GPX4: variants seen among roughly 807,000 people sequenced by gnomAD.
GPX4 encodes phospholipid hydroperoxide glutathione peroxidase GPX4.
In GPX4, 28 loss-of-function variants were observed where a neutral mutation model predicts 27.8. That is an observed-to-expected ratio of 1.01 (90% CI 0.75 to 1.38). The LOEUF (loss-of-function observed/expected upper bound fraction) is 1.38, where lower values mean the gene tolerates loss of function less well. Among genes scored for constraint, GPX4 ranks in the 40% most tolerant of loss-of-function variants. The pLI is 0.00. For missense variants in GPX4, 357 were observed against 274.1 expected (o/e 1.30, Z -2.14); for synonymous variants, 163 against 107.8 (o/e 1.51, Z -3.17).
rs556598510 is a variant in GPX4 at position 1,105,412 on chromosome 19, A to G, written c.226A>G (p.Thr76Ala). Residue 76 changes from threonine to alanine, a missense_variant, in exon 3 of 7, where the codon ACC becomes GCC. By Grantham distance (58) the Thr-to-Ala change is moderately conservative (BLOSUM62 0). Coordinates refer to ENST00000354171, the MANE Select transcript of GPX4 (RefSeq NM_002085.5). ...CAACGTGGCCTCCCAGTGAGGCAAG[A>G]CCGAAGTAAACTACACTCAGCTCGT... ...VTNVASQUGK[T>A]EVNYTQLVDL... 2 of 1,611,878 alleles carry G rather than the reference A, an allele frequency of 1.2e-6. No homozygotes were observed. The highest frequency in any genetic ancestry group is 2.2e-5 in the South Asian group (2 of 91,034).
At position 1,104,911 on chromosome 19, in the gene GPX4, T is replaced by C; in HGVS notation, c.85-275T>C. The C allele has an allele frequency of 2.1e-6, 3 of 1,416,920 alleles. No homozygotes were observed. In the South Asian group the frequency reaches 4.5e-5, roughly 21 times the overall value. 87.8% of individuals were successfully genotyped at this position (1,416,920 alleles called of 1,614,324 possible). On this transcript the variant is annotated intron_variant, in intron 1 of 6. Transcript: ENST00000354171. ...GCTTGCGACCGGAGATCCACGAATGTCCCAAGTCCCAGGACCCGGTGCGCG... is the reference window on the plus strand; with the variant it reads ...GCTTGCGACCGGAGATCCACGAATGCCCCAAGTCCCAGGACCCGGTGCGCG...
chr19:1,106,195 T>A, intron 4 of GPX4, 47 bp from the exon 5 acceptor site: 2 of 1,526,652 alleles, frequency 1.3e-6, no homozygotes, highest in Non-Finnish European at 8.8e-7. Flanking sequence ...GCTTGGGGAC[T>A]GTGGGGGGCT....
chr19:1,106,115 C>G (rs546182511), intron 4 of GPX4, 127 bp from the exon 5 acceptor site: 16 of 844,166 alleles, frequency 1.9e-5, no homozygotes, highest in Admixed American at 8.9e-5. Flanking sequence ...TCTGGGGGGG[C>G]TTGGGGGCAC....
rs1342240757 is a variant in GPX4, at chr19:1,104,011, G to A, written c.-33G>A. On this transcript the variant is annotated 5_prime_UTR_variant, in exon 1 of 7. Coordinates refer to ENST00000354171, the MANE Select transcript of GPX4 (RefSeq NM_002085.5). Reference sequence around the variant, plus strand: ...GCGCGTCCATTGGTCGGCTGGACGAGGGGAGGAGCCGCTGGCTCCCAGCCC... The same window carrying A: ...GCGCGTCCATTGGTCGGCTGGACGAAGGGAGGAGCCGCTGGCTCCCAGCCC... The A allele has an allele frequency of 6.6e-7, 1 of 1,510,984 alleles. No homozygotes were observed. Among genetic ancestry groups the A allele is most frequent in the Non-Finnish European group, 8.8e-7 (1 of 1,135,272 alleles). 93.6% of individuals were successfully genotyped at this position (1,510,984 alleles called of 1,614,324 possible). A position where few individuals can be genotyped will look rare whatever the true frequency, so the allele number is the denominator to read the frequency against.
intron 1 of GPX4, 116 bp downstream of exon 1, chr19:1,104,243 G>A: frequency 1.1e-6 from 1 of 893,470 alleles, no homozygotes; most frequent in Non-Finnish European, 1.5e-6. Flanking sequence ...GGTGGGGGGC[G>A]TCTGGGGGCT....
Position 1,105,956 on chromosome 19 carries a change from G to A in GPX4, c.476+147G>A, listed in dbSNP as rs2079647570. ...GACTCTCACATCGCGTGGCCTCCTG[G>A]GGGTAAGATGGCTCAGGGGGACATA... On this transcript the variant is annotated intron_variant, in intron 4 of 6. Coordinates refer to ENST00000354171, the MANE Select transcript of GPX4 (RefSeq NM_002085.5). 3.1e-6 allele frequency: 3 copies of A among 974,924 alleles called. No individual in the cohort carries two copies. The Admixed American group carries it at 7.0e-5, about 23-fold the overall frequency. 60.4% of individuals were successfully genotyped at this position (974,924 alleles called of 1,614,324 possible). A position where few individuals can be genotyped will look rare whatever the true frequency, so the allele number is the denominator to read the frequency against.
At chr19:1,106,288 G>T in intron 5 of GPX4, 22 bp downstream of exon 5, 1 of 1,605,750 alleles carries the variant, frequency 6.2e-7, no homozygotes. Context: ...GTGGGGGGTA[G>T]GGGACCAGCT....
chr19:1,105,528 C>T lies in GPX4; in HGVS notation c.324+18C>T, dbSNP rs767962482. ...GGAAGCAGGTGGGCTGCTGCGTCCC[C>T]GGGGCCCGCAGAGGCGGGTGGGTGG... is the stretch of plus-strand genomic sequence containing the variant. On this transcript the variant is annotated intron_variant, in intron 3 of 6. Transcript: ENST00000354171. The T allele has an allele frequency of 3.2e-5, 30 of 926,926 alleles. No individual in the cohort carries two copies. Among genetic ancestry groups the T allele is most frequent in the Non-Finnish European group, 4.5e-5 (28 of 619,332 alleles). The allele number at this position is 926,926 out of a possible 1,614,324, so 57.4% of individuals were successfully genotyped here.
intron 1 of GPX4, 25 bp downstream of exon 1, chr19:1,104,152 C>T: frequency 7.0e-7 from 1 of 1,437,980 alleles, no homozygotes; most frequent in South Asian, 1.4e-5. Flanking sequence ...CGGCCGTTGC[C>T]GGCCCGGTGA....
chr19:1,104,989 C>A, intron 1 of GPX4, 197 bp from the exon 2 acceptor site: 1 of 1,469,482 alleles, frequency 6.8e-7, no homozygotes, highest in Non-Finnish European at 9.0e-7. Flanking sequence ...AACCCTCTCC[C>A]GGCCTCCGGG....
At chr19:1,106,297 C>G (rs760885288) in intron 5 of GPX4, 31 bp downstream of exon 5, 1 of 1,603,532 alleles carries the variant, frequency 6.2e-7, no homozygotes, top group East Asian at 2.2e-5. Flanking sequence ...AGGGGACCAG[C>G]TTCCCCTGGC....
At position 1,105,178 on chromosome 19, in the gene GPX4, C is replaced by T. The variant is rs766374099; in HGVS notation, c.85-8C>T. ...CACGCTCCCTGCTCAGCTTCCTTTG[C>T]CTTGCAGTGCGCGTCCCGGGACGAC... On this transcript the variant is annotated splice_polypyrimidine_tract_variant and splice_region_variant and intron_variant, in intron 1 of 6. Transcript: ENST00000354171. 6.2e-7 allele frequency: 1 copy of T among 1,612,820 alleles called. No homozygotes were observed. The highest frequency in any genetic ancestry group is 8.5e-7 in the Non-Finnish European group (1 of 1,179,766).
intron 3 of GPX4, 27 bp downstream of exon 3, chr19:1,105,537 C>T (rs2079639057): frequency 6.2e-7 from 1 of 1,605,072 alleles, no homozygotes; most frequent in Non-Finnish European, 8.5e-7. Flanking sequence ...CCGGGGCCCG[C>T]AGAGGCGGGT....
In GPX4 at chr19:1,105,258, A is replaced by G. The variant is rs762792092; in HGVS notation, c.157A>G (p.Met53Val). 3.2e-5 allele frequency: 52 copies of G among 1,612,858 alleles called. 1 individual carries two copies. The Admixed American group carries it at 6.3e-4, about 20-fold the overall frequency. The change falls in exon 2 of 7, where the codon ATG becomes GTG. Residue 53 changes from methionine to valine, a missense_variant. Coordinates refer to ENST00000354171, the MANE Select transcript of GPX4 (RefSeq NM_002085.5). Reference sequence around the variant, plus strand: ...TTCCGCCAAGGACATCGACGGGCACATGGTTAACCTGGACAAGTACCGGTG... The same window carrying G: ...TTCCGCCAAGGACATCGACGGGCACGTGGTTAACCTGGACAAGTACCGGTG... ...EFSAKDIDGH[M>V]VNLDKYRGFV... is the part of the protein sequence containing the mutation.
chr19:1,106,498 C>G (rs756296662), intron 6 of GPX4, 39 bp downstream of exon 6: 3 of 1,611,280 alleles, frequency 1.9e-6, no homozygotes, highest in Non-Finnish European at 2.5e-6. Context: ...GGCTCGGGGG[C>G]TTGGGAGGTA....
Position 1,105,287 on chromosome 19 carries a change from G to A in GPX4, c.179+7G>A, listed in dbSNP as rs779516356. 4.0e-5 allele frequency: 64 copies of A among 1,612,784 alleles called. No homozygotes were observed. The South Asian group carries it at 6.9e-4, about 17-fold the overall frequency. Reference sequence around the variant, plus strand: ...TTAACCTGGACAAGTACCGGTGGGCGCTCGCCTGGGGTGGGGCGCGGGGTC... The same window carrying A: ...TTAACCTGGACAAGTACCGGTGGGCACTCGCCTGGGGTGGGGCGCGGGGTC... On this transcript the variant is annotated splice_region_variant and intron_variant, in intron 2 of 6. Coordinates refer to ENST00000354171, the MANE Select transcript of GPX4 (RefSeq NM_002085.5).
intron 1 of GPX4, 184 bp downstream of exon 1, chr19:1,104,311 G>A: frequency 5.3e-6 from 3 of 564,282 alleles, no homozygotes; most frequent in Non-Finnish European, 5.7e-6. Context: ...GACGCGCTCC[G>A]CGGCCCTCCA....
chr19:1,105,269 G>C lies in GPX4; in HGVS notation c.168G>C (p.Leu56=). Residue 56 remains leucine, a synonymous_variant, in exon 2 of 7, where the codon CTG becomes CTC. Coordinates refer to ENST00000354171, the MANE Select transcript of GPX4 (RefSeq NM_002085.5). ...ACATCGACGGGCACATGGTTAACCT[G>C]GACAAGTACCGGTGGGCGCTCGCCT... The part of the protein sequence containing the change: ...AKDIDGHMVN[L]DKYRGFVCIV... The C allele has an allele frequency of 6.2e-7, 1 of 1,613,056 alleles. No individual in the cohort carries two copies.
chr19:1,104,917 G>C (rs1330676457), intron 1 of GPX4: 2 of 1,434,910 alleles, frequency 1.4e-6, no homozygotes, highest in African/African-American at 2.9e-5. Flanking sequence ...AATGTCCCAA[G>C]TCCCAGGACC....
Sources: gnomAD v4.1 joint callset for allele counts on GRCh38, gnomAD v4.1.1 for gene constraint, MANE v1.5 for transcripts, NCBI Gene and HGNC (gene_info 2026-07-23, HGNC 2026-07-21) for gene names.